The following OTOF variants were observed in gnomAD, a reference collection of about 807,000 sequenced individuals.
OTOF encodes the protein otoferlin, also known as fer-1-like family member 2.
OTOF carries 218 observed loss-of-function variants against 236.8 expected under a neutral mutation model. The observed-to-expected ratio is 0.92, with a 90% CI of 0.82 to 1.03. The LOEUF (loss-of-function observed/expected upper bound fraction) is 1.03. Ranked by LOEUF, OTOF falls within the 50% of genes least tolerant of loss-of-function variation. OTOF has a pLI of 0.00. For synonymous variants in OTOF, 1,041 were observed against 1,072.5 expected, an observed-to-expected ratio of 0.97 and a Z score of 0.57; for missense variants, 2,590 against 2,694.4, an observed-to-expected ratio of 0.96 and a Z score of 0.86.
intron 33 of OTOF, among the ~76,000 whole-genome samples, chr2:26,467,741 G>A (rs1022673079): frequency 1.3e-5 from 2 of 152,216 alleles, no homozygotes; most frequent in Non-Finnish European, 2.9e-5. Context: ...GAGAGGGGCA[G>A]GAAGGAGCAT....
intron 9 of OTOF, among the ~76,000 whole-genome samples, chr2:26,494,267 T>C (rs1283824227): frequency 1.3e-5 from 2 of 152,260 alleles, no homozygotes; most frequent in African/African-American, 4.8e-5. Flanking sequence ...TGGCCTCAAA[T>C]GGCTGGAAAG....
intron 3 of OTOF, among the ~76,000 whole-genome samples, chr2:26,524,908 C>G (rs1365589067): frequency 6.6e-6 from 1 of 152,248 alleles, no homozygotes; most frequent in Non-Finnish European, 1.5e-5. Flanking sequence ...GCTTTGGCAC[C>G]TATGGTTGGG....
intron 1 of OTOF, among the ~76,000 whole-genome samples, chr2:26,539,710 G>C (rs1461742544): frequency 2.0e-5 from 3 of 152,208 alleles, no homozygotes; most frequent in Non-Finnish European, 2.9e-5. Context: ...ACTCCAGCCT[G>C]GGCAACTAGT....
chr2:26,472,309 C>T, intron 30 of OTOF: 2 of 633,654 alleles, frequency 3.2e-6, no homozygotes, highest in South Asian at 1.7e-5. Context: ...CACACATGCA[C>T]ATTTACATAC....
Position 26,467,491 on chromosome 2 carries a change from C to T in OTOF, c.4101G>A (p.Gly1367=), listed in dbSNP as rs1664789091. Residue 1367 remains glycine (G), a synonymous_variant, in exon 34 of 47, where the codon GGG becomes GGA. Transcript: ENST00000272371. ...TTGCCTTCTCCTTGCCCTTCATTGA[C>T]CCCTTCAGGCCTGGCCAGAAGCAGA... ...EEVDNTEGLK[G]SMKGKEKARA... 2.5e-6 allele frequency: 4 copies of T among 1,613,860 alleles called. No homozygotes were observed. In the African/African-American group the frequency reaches 4.0e-5, roughly 16 times the overall value.
At chr2:26,538,013 G>A (rs918375917) in intron 1 of OTOF, among the ~76,000 whole-genome samples, 7 of 152,198 alleles carry the variant, frequency 4.6e-5, no homozygotes, top group East Asian at 1.9e-4. Context: ...TGTTAGGAAC[G>A]GGAATGCTAA....
chr2:26,461,139 G>A lies in OTOF; in HGVS notation c.5534-109C>T. 2.1e-6 allele frequency: 2 copies of A among 939,012 alleles called. No homozygotes were observed. Among genetic ancestry groups the A allele is most frequent in the South Asian group, 2.8e-5 (2 of 70,976 alleles). 58.2% of individuals were successfully genotyped at this position (939,012 alleles called of 1,614,324 possible). A position where few individuals can be genotyped will look rare whatever the true frequency, so the allele number is the denominator to read the frequency against. ...TTGTTTGCTGAGTGCAGACCTCCCT[G>A]AGCCCACATCTCATCCTCCTGCCTC... is the stretch of plus-strand genomic sequence containing the variant. On this transcript the variant is annotated intron_variant, in intron 43 of 46. Transcript: ENST00000272371. This position sits in a 1 kb window ranked among gnomAD's most constrained non-coding sequence, Gnocchi z 6.2.
intron 2 of OTOF, among the ~76,000 whole-genome samples, chr2:26,532,254 G>A (rs1052770845): frequency 6.6e-6 from 1 of 152,130 alleles, no homozygotes; most frequent in African/African-American, 2.4e-5. Flanking sequence ...GTGGAGAGGC[G>A]AGAGTTGCCC....
intron 18 of OTOF, among the ~76,000 whole-genome samples, 189 bp downstream of exon 18, chr2:26,479,075 G>A (rs75024947): frequency 6.6e-6 from 1 of 152,246 alleles, no homozygotes; most frequent in Non-Finnish European, 1.5e-5. Flanking sequence ...TGGAGGCTGA[G>A]TGACTAGAGG....
intron 18 of OTOF, among the ~76,000 whole-genome samples, chr2:26,478,847 C>T (rs1436748719): frequency 6.6e-6 from 1 of 152,272 alleles, no homozygotes. Context: ...TACAGGTGCC[C>T]GCCACCAAGC....
At chr2:26,485,984 T>A (rs1016171904) in intron 11 of OTOF, among the ~76,000 whole-genome samples, 1 of 152,124 alleles carries the variant, frequency 6.6e-6, no homozygotes, top group Non-Finnish European at 1.5e-5. Flanking sequence ...AGAGCAGATG[T>A]GTGTCGGATG....
Position 26,519,076 on chromosome 2 carries a change from C to T in OTOF, c.261G>A (p.Lys87=). 1 of 1,608,062 alleles carries T rather than the reference C, an allele frequency of 6.2e-7. No individual in the cohort carries two copies. Among genetic ancestry groups the T allele is most frequent in the East Asian group, 2.2e-5 (1 of 44,854 alleles). Residue 87 remains lysine, a synonymous_variant, in exon 4 of 47, where the codon AAG becomes AAA. Coordinates refer to ENST00000272371, the MANE Select transcript of OTOF (RefSeq NM_194248.3). ...CCTCCACATGGCTCTCCTCTACCAC[C>T]TTCTGCAGCACCATGCGGAAGGTCC... ...LIGTFRMVLQ[K]VVEESHVEVT... is the part of the protein sequence containing the mutation.
intron 3 of OTOF, among the ~76,000 whole-genome samples, chr2:26,520,660 C>G (rs1666654790): frequency 6.6e-6 from 1 of 152,200 alleles, no homozygotes. Flanking sequence ...AGGCAGTGCC[C>G]CAGAGACAGA....
intron 2 of OTOF, among the ~76,000 whole-genome samples, chr2:26,532,053 A>AT (rs1201106504): frequency 7.1e-6 from 1 of 139,968 alleles, no homozygotes. Flanking sequence ...AGATGGCACC[A>AT]TTGCACTCCA....
Position 26,558,705 on chromosome 2 carries a change from C to G in OTOF, c.-134G>C. 1 of 750,300 alleles carries G rather than the reference C, an allele frequency of 1.3e-6. No individual in the cohort carries two copies. The highest frequency in any genetic ancestry group is 2.2e-6 in the Non-Finnish European group (1 of 445,216). 46.5% of individuals were successfully genotyped at this position (750,300 alleles called of 1,614,324 possible). ...CTCCCGACCCCCCTCCGATGCTGCC[C>G]ACAGAGACCAAGGCAACCAAGCCGA... On this transcript the variant is annotated 5_prime_UTR_variant, in exon 1 of 47. Coordinates refer to ENST00000272371, the MANE Select transcript of OTOF (RefSeq NM_194248.3).
chr2:26,464,516 C>T (rs1384630195), intron 39 of OTOF, among the ~76,000 whole-genome samples: 2 of 152,140 alleles, frequency 1.3e-5, no homozygotes, highest in East Asian at 3.9e-4. Context: ...CCAGATGGAC[C>T]TGGGCCGATG....
intron 5 of OTOF, among the ~76,000 whole-genome samples, chr2:26,508,993 G>C (rs573885617): frequency 6.6e-5 from 10 of 152,314 alleles, no homozygotes; most frequent in Admixed American, 2.6e-4. Flanking sequence ...TTAGGACAGA[G>C]AAGTGCTAGG....
intron 4 of OTOF, among the ~76,000 whole-genome samples, chr2:26,517,015 C>T (rs1041062886): frequency 5.3e-5 from 8 of 152,170 alleles, no homozygotes; most frequent in Admixed American, 3.9e-4. Context: ...AGGCGCGGCC[C>T]GCCAGAAATC....
At chr2:26,478,795 TTCAAGCGATTC>T in intron 18 of OTOF, among the ~76,000 whole-genome samples, 1 of 152,236 alleles carries the variant, frequency 6.6e-6, no homozygotes, top group Middle Eastern at 3.4e-3. Flanking sequence ...GCCTCACGGG[TTCAAGCGATTC>T]TCCTGCTTCA....
Sources: allele counts gnomAD v4.1 joint callset (sites outside exome capture counted in the v4.1 genomes callset), GRCh38; gene constraint gnomAD v4.1.1; non-coding constraint Gnocchi (gnomAD v3.1); transcripts MANE v1.5; gene names NCBI Gene and HGNC (gene_info 2026-07-23, HGNC 2026-07-21).